The following ZNF69 variants were observed in gnomAD, a reference collection of about 807,000 sequenced individuals.
ZNF69 encodes zinc finger protein 69, also known as ZNF3.
Under a neutral mutation model 50.9 loss-of-function variants are expected in ZNF69, and 47 were observed. The ratio of observed to expected loss-of-function variants is 0.92; its 90% CI spans 0.73 to 1.18. The LOEUF (loss-of-function observed/expected upper bound fraction) is 1.18. Among genes scored for constraint, ZNF69 ranks in the 50% most tolerant of loss-of-function variants. ZNF69 has a pLI of 0.00. For missense variants in ZNF69, 717 were observed against 675.1 expected, an observed-to-expected ratio of 1.06 and a Z score of -0.69; for synonymous variants, 216 against 223.1, an observed-to-expected ratio of 0.97 and a Z score of 0.29.
At chr19:11,957,088 TAA>T in the ZNF69 span, among the ~76,000 whole-genome samples, 3 of 144,734 alleles carry the variant, frequency 2.1e-5, no homozygotes, top group South Asian at 6.5e-4. Flanking sequence ...CAGTAAGAAA[TAA>T]GTTTTTTTTT....
chr19:11,949,126 G>A, the ZNF69 span: 72 of 1,612,200 alleles, frequency 4.5e-5, no homozygotes, highest in Non-Finnish European at 5.9e-5. Context: ...TAAGATATGT[G>A]GGAAAGGCTT....
At chr19:11,895,071 G>A (rs940744933) in intron 1 of ZNF69, among the ~76,000 whole-genome samples, 5 of 152,250 alleles carry the variant, frequency 3.3e-5, no homozygotes, top group African/African-American at 1.2e-4. Flanking sequence ...ACATGAGTCA[G>A]ACATCACTGT....
chr19:11,956,479 C>T, the ZNF69 span: 1 of 398,090 alleles, frequency 2.5e-6, no homozygotes, highest in Non-Finnish European at 4.4e-6. Flanking sequence ...ATTCTTCAAA[C>T]ACTGGGTATT....
the ZNF69 span, chr19:11,953,136 CT>C: frequency 6.6e-6 from 1 of 152,204 alleles, no homozygotes; most frequent in Non-Finnish European, 1.5e-5. Context: ...CTGTCTCATC[CT>C]TCTGCCTTGA....
chr19:11,895,700 A>C lies in ZNF69; in HGVS notation c.63+7714A>C, dbSNP rs560086975. 2.0e-5 allele frequency among the ~76,000 whole-genome samples: 3 copies of C among 152,336 alleles called. No individual in the cohort carries two copies. In the South Asian group the frequency reaches 6.2e-4, roughly 32 times the overall value. ...AATAAAGTTTTTTTCCGTTATGAGA[A>C]AGTTAAATCCATAAAGAAAATGCAT... is the stretch of plus-strand genomic sequence containing the variant. On this transcript the variant is annotated intron_variant, in intron 1 of 3. Transcript: ENST00000429654.
intron 1 of ZNF69, among the ~76,000 whole-genome samples, chr19:11,898,319 C>G (rs1329268333): frequency 1.3e-5 from 2 of 151,014 alleles, no homozygotes; most frequent in Non-Finnish European, 2.9e-5. Context: ...GTTATTTCCC[C>G]AAAACATTGA....
intron 1 of ZNF69, among the ~76,000 whole-genome samples, chr19:11,900,452 C>T (rs1412544199): frequency 1.3e-5 from 2 of 151,382 alleles, no homozygotes; most frequent in African/African-American, 4.9e-5. Flanking sequence ...TCCTGGGTTC[C>T]AGCGATTCTC....
the ZNF69 span, among the ~76,000 whole-genome samples, chr19:11,975,919 C>T: frequency 2.0e-5 from 3 of 151,628 alleles, no homozygotes; most frequent in African/African-American, 7.3e-5. Context: ...CCAGGTTTTT[C>T]TTAGGAATGT....
intron 1 of ZNF69, among the ~76,000 whole-genome samples, chr19:11,899,631 A>T (rs77306664): frequency 6.8e-6 from 1 of 147,868 alleles, no homozygotes; most frequent in African/African-American, 2.5e-5. Flanking sequence ...GAACTTATCT[A>T]TTTTTTTTTT....
intron 1 of ZNF69, among the ~76,000 whole-genome samples, chr19:11,901,295 A>T (rs1321479197): frequency 6.6e-6 from 1 of 152,172 alleles, no homozygotes; most frequent in African/African-American, 2.4e-5. Context: ...AATCATCAGG[A>T]GATATTAACT....
At chr19:11,896,527 G>A (rs1233711203) in intron 1 of ZNF69, among the ~76,000 whole-genome samples, 1 of 152,082 alleles carries the variant, frequency 6.6e-6, no homozygotes, top group Non-Finnish European at 1.5e-5. Flanking sequence ...TTTTGCAGAT[G>A]GTCATCTTCT....
At chr19:11,933,181 G>A in the ZNF69 span, among the ~76,000 whole-genome samples, 2 of 146,694 alleles carry the variant, frequency 1.4e-5, no homozygotes, top group Non-Finnish European at 3.0e-5. Context: ...ACTTAGAGAG[G>A]CTGAAATGGG....
At chr19:11,965,036 A>G in the ZNF69 span, 5 of 733,060 alleles carry the variant, frequency 6.8e-6, no homozygotes, top group Admixed American at 1.2e-4. Context: ...AGTGGGTCGC[A>G]TTCCTGTCCT....
At chr19:11,914,859 G>A (rs1267768278), downstream of ZNF69, among the ~76,000 whole-genome samples, 1 of 152,194 alleles carries the variant, frequency 6.6e-6, no homozygotes, top group East Asian at 1.9e-4. Context: ...GTGAAGGGTG[G>A]AGTCGTTGAT....
At chr19:11,920,758 C>T in the ZNF69 span, among the ~76,000 whole-genome samples, 2 of 152,108 alleles carry the variant, frequency 1.3e-5, no homozygotes, top group Non-Finnish European at 2.9e-5. Context: ...GCATGGTAGT[C>T]CCATTCTCAC....
intron 1 of ZNF69, among the ~76,000 whole-genome samples, chr19:11,888,753 A>T (rs1977009363): frequency 6.6e-6 from 1 of 152,112 alleles, no homozygotes; most frequent in South Asian, 2.1e-4. Flanking sequence ...GGATCACCTG[A>T]GGTCAGGAGT....
intron 1 of ZNF69, among the ~76,000 whole-genome samples, chr19:11,889,703 G>A (rs1599340552): frequency 2.6e-5 from 4 of 152,216 alleles, no homozygotes; most frequent in South Asian, 4.1e-4. Flanking sequence ...ACACAGAGAC[G>A]AAGTATAGGG....
At chr19:11,943,845 A>T in the ZNF69 span, among the ~76,000 whole-genome samples, 5 of 152,244 alleles carry the variant, frequency 3.3e-5, no homozygotes, top group African/African-American at 7.2e-5. Flanking sequence ...GAGTTTCCTC[A>T]TGCTTTGGCC....
At chr19:11,939,774 A>T in the ZNF69 span, among the ~76,000 whole-genome samples, 2 of 150,902 alleles carry the variant, frequency 1.3e-5, no homozygotes, top group Non-Finnish European at 3.0e-5. Flanking sequence ...ACCATGATTT[A>T]TTATCATTAC....
Sources: gnomAD v4.1 joint callset for allele counts (sites outside exome capture counted in the v4.1 genomes callset) on GRCh38, gnomAD v4.1.1 for gene constraint, MANE v1.5 for transcripts, NCBI Gene and HGNC (gene_info 2026-07-23, HGNC 2026-07-21) for gene names.